Variants in TBC1D12 observed in about 807,000 individuals in gnomAD.
TBC1D12 encodes the protein TBC1 domain family member 12, also known as TBC1 domain family, member 12.
TBC1D12 carries 56 observed loss-of-function variants against 86.7 expected under a neutral mutation model. That is an observed-to-expected ratio of 0.65 (90% confidence interval 0.52 to 0.81). The LOEUF is 0.81. TBC1D12 is among the 30% of genes least tolerant of loss of function. The probability of loss-of-function intolerance (pLI) is 0.00; values close to 1 mark genes in which losing one functional copy is unlikely to be tolerated. For synonymous variants in TBC1D12, 421 were observed against 411.7 expected (o/e 1.02, Z -0.27); for missense variants, 1,023 against 1,038.8 (o/e 0.98, Z 0.21).
At chr10:94,457,800 T>A (rs1213446245) in intron 2 of TBC1D12, among the ~76,000 whole-genome samples, 1 of 152,212 alleles carries the variant, frequency 6.6e-6, no homozygotes, top group Non-Finnish European at 1.5e-5. Flanking sequence ...TACTTCTTTT[T>A]TTAAAACTTT....
intron 3 of TBC1D12, among the ~76,000 whole-genome samples, chr10:94,487,694 C>CT (rs35682157): frequency 0.067 from 8,534 of 127,156 alleles, 496 homozygotes; most frequent in Middle Eastern, 0.18. Flanking sequence ...TGTTGTTTCT[C>CT]TTTTTTTTTT....
intron 1 of TBC1D12, among the ~76,000 whole-genome samples, chr10:94,434,259 AC>A (rs1564944406): frequency 6.6e-6 from 1 of 151,974 alleles, no homozygotes; most frequent in African/African-American, 2.4e-5. Context: ...TAATCCCAGC[AC>A]TTTGGGAGGC....
chr10:94,500,636 AAAG>A (rs1209107277), intron 6 of TBC1D12, among the ~76,000 whole-genome samples: 3 of 152,254 alleles, frequency 2.0e-5, no homozygotes. Flanking sequence ...ATACAAGAAA[AAAG>A]AAAATAGTCA....
rs1442016601 is a variant in TBC1D12 at position 94,535,103 on chromosome 10, A to G, written c.*2007A>G. On this transcript the variant is annotated 3_prime_UTR_variant, in exon 13 of 13. Coordinates refer to ENST00000225235, the MANE Select transcript of TBC1D12 (RefSeq NM_015188.2). ...AATTAGTTAAATGTAGTCAACAGCA[A>G]TGTCAGAACAATTGACATTGTCTTT... 1.3e-5 allele frequency: 2 copies of G among 152,114 alleles called. No homozygotes were observed. Among genetic ancestry groups the G allele is most frequent in the African/African-American group, 4.8e-5 (2 of 41,430 alleles). 9.4% of individuals were successfully genotyped at this position (152,114 alleles called of 1,614,324 possible). A position where few individuals can be genotyped will look rare whatever the true frequency, so the allele number is the denominator to read the frequency against.
chr10:94,475,725 C>T (rs1287405048), intron 3 of TBC1D12, among the ~76,000 whole-genome samples: 7 of 152,186 alleles, frequency 4.6e-5, no homozygotes, highest in Non-Finnish European at 7.3e-5. Flanking sequence ...TGTTAGCCAC[C>T]ATGCCCAGCC....
chr10:94,472,881 GATGC>G (rs1194642780), intron 2 of TBC1D12, among the ~76,000 whole-genome samples: 2 of 152,164 alleles, frequency 1.3e-5, no homozygotes, highest in Non-Finnish European at 2.9e-5. Flanking sequence ...CCAATGTGGT[GATGC>G]AAGGGAGCTC....
At chr10:94,488,881 C>A (rs1362858984) in intron 3 of TBC1D12, among the ~76,000 whole-genome samples, 1 of 152,074 alleles carries the variant, frequency 6.6e-6, no homozygotes, top group African/African-American at 2.4e-5. Flanking sequence ...AGATGCAATA[C>A]AAAGTCCTCT....
intron 3 of TBC1D12, among the ~76,000 whole-genome samples, chr10:94,482,637 A>AT (rs2056094145): frequency 6.6e-6 from 1 of 151,794 alleles, no homozygotes; most frequent in Admixed American, 6.6e-5. Flanking sequence ...TTTAGTAGAG[A>AT]TGGGATTTTT....
chr10:94,417,897 C>T (rs1413285893), intron 1 of TBC1D12, among the ~76,000 whole-genome samples: 1 of 151,952 alleles, frequency 6.6e-6, no homozygotes, highest in Non-Finnish European at 1.5e-5. Flanking sequence ...TACAGGCGCC[C>T]GCCACCACGG....
chr10:94,500,464 C>T, intron 6 of TBC1D12, 137 bp downstream of exon 6: 2 of 536,810 alleles, frequency 3.7e-6, no homozygotes, highest in Non-Finnish European at 6.2e-6. Flanking sequence ...GCTTCATCCC[C>T]CTGTTATGAA....
chr10:94,515,072 T>C (rs565067176), intron 9 of TBC1D12, among the ~76,000 whole-genome samples: 7 of 150,280 alleles, frequency 4.7e-5, no homozygotes, highest in Non-Finnish European at 8.9e-5. Flanking sequence ...TACGCCCGGC[T>C]AATTTTTTGT....
intron 2 of TBC1D12, among the ~76,000 whole-genome samples, chr10:94,445,913 A>AC (rs1202310953): frequency 6.6e-6 from 1 of 151,466 alleles, no homozygotes; most frequent in Non-Finnish European, 1.5e-5. Flanking sequence ...GTGCCCTTGC[A>AC]CTCCAGCCTG....
intron 2 of TBC1D12, among the ~76,000 whole-genome samples, chr10:94,446,013 T>C (rs984988990): frequency 7.9e-5 from 12 of 152,188 alleles, no homozygotes; most frequent in African/African-American, 2.9e-4. Context: ...CTTTCTACTA[T>C]CTCTGCTTCA....
chr10:94,504,861 A>C (rs1317187768), intron 6 of TBC1D12, among the ~76,000 whole-genome samples: 1 of 152,206 alleles, frequency 6.6e-6, no homozygotes, highest in East Asian at 1.9e-4. Flanking sequence ...ACTGAAATCA[A>C]AGTATTCTCT....
At chr10:94,478,063 T>C (rs545743474) in intron 3 of TBC1D12, among the ~76,000 whole-genome samples, 60 of 151,814 alleles carry the variant, frequency 4.0e-4, no homozygotes, top group Non-Finnish European at 6.9e-4. Context: ...GGAGGATCGC[T>C]TGAGGCCAGG....
chr10:94,478,400 G>A lies in TBC1D12; in HGVS notation c.1211+3617G>A, dbSNP rs184919066. ...GTAGGTGGTTAGAAATCTTAAAGGC[G>A]GGATTTGTAGTTAAACTGGAAATGT... On this transcript the variant is annotated intron_variant, in intron 3 of 12. Coordinates refer to ENST00000225235, the MANE Select transcript of TBC1D12 (RefSeq NM_015188.2). Among the ~76,000 whole-genome samples, 181 of 152,166 alleles carry A rather than the reference G, an allele frequency of 1.2e-3. 1 individual carries two copies. The highest frequency in any genetic ancestry group is 1.9e-3 in the Non-Finnish European group (129 of 67,996).
chr10:94,426,231 T>C (rs1323066805), intron 1 of TBC1D12, among the ~76,000 whole-genome samples: 1 of 152,212 alleles, frequency 6.6e-6, no homozygotes, highest in African/African-American at 2.4e-5. Flanking sequence ...CATTATCTGG[T>C]TTCCATTCTC....
At chr10:94,437,912 A>T (rs1392828691) in intron 1 of TBC1D12, among the ~76,000 whole-genome samples, 3 of 140,538 alleles carry the variant, frequency 2.1e-5, no homozygotes, top group African/African-American at 8.1e-5. Context: ...CATTTTGTTC[A>T]TACATTTTCC....
intron 6 of TBC1D12, chr10:94,501,442 A>C (rs140839978): frequency 0.018 from 2,842 of 154,342 alleles, 28 homozygotes; most frequent in Non-Finnish European, 0.029. Context: ...AAAAAAAGAA[A>C]AAAAAAACCT....
Sources: gnomAD v4.1 joint callset for allele counts (sites outside exome capture counted in the v4.1 genomes callset) on GRCh38, gnomAD v4.1.1 for gene constraint, MANE v1.5 for transcripts, NCBI Gene and HGNC (gene_info 2026-07-23, HGNC 2026-07-21) for gene names.